The following DIP2C variants were observed in gnomAD, a reference collection of about 807,000 sequenced individuals.
The protein encoded by DIP2C is DIP2 acetate--CoA ligase C (putative), also known as disco-interacting protein 2 homolog C.
DIP2C carries 33 observed loss-of-function variants against 192.4 expected under a neutral mutation model. The ratio of observed to expected loss-of-function variants is 0.17; its 90% CI spans 0.13 to 0.23. The LOEUF (loss-of-function observed/expected upper bound fraction) is 0.23. Among genes scored for constraint, DIP2C ranks in the 10% least tolerant of loss-of-function variants. The pLI, the probability that DIP2C is intolerant of heterozygous loss-of-function variation, is 1.00. For missense variants in DIP2C, 1,537 were observed against 2,110.1 expected (o/e 0.73, Z 5.32); for synonymous variants, 979 against 864.1 (o/e 1.13, Z -2.33).
chr10:456,574 T>C (rs1212229072), intron 3 of DIP2C, among the ~76,000 whole-genome samples: 5 of 152,324 alleles, frequency 3.3e-5, no homozygotes, highest in African/African-American at 4.8e-5. Flanking sequence ...TCCTGGTTAG[T>C]GTGACCCAAG....
At chr10:417,978 ATAGG>A (rs1965863539) in intron 6 of DIP2C, among the ~76,000 whole-genome samples, 1 of 107,642 alleles carries the variant, frequency 9.3e-6, no homozygotes, top group Non-Finnish European at 1.9e-5. Context: ...CAGGGCTCGG[ATAGG>A]CCTCCCTGTC....
chr10:430,938 A>AT (rs1342200184), intron 4 of DIP2C, among the ~76,000 whole-genome samples: 2 of 152,196 alleles, frequency 1.3e-5, no homozygotes, highest in Non-Finnish European at 2.9e-5. Context: ...TTGCATATGG[A>AT]TGTCCAGTTG....
chr10:657,239 C>T lies in DIP2C; in HGVS notation c.85+32255G>A, dbSNP rs1186576412. ...ACCCTGGACCTGCCCCTGGACCTGC[C>T]GCTGGACCTGATGCTGGACCTGTCC... On this transcript the variant is annotated intron_variant, in intron 1 of 36. Coordinates refer to ENST00000280886, the MANE Select transcript of DIP2C (RefSeq NM_014974.3). 5.9e-5 allele frequency among the ~76,000 whole-genome samples: 5 copies of T among 84,772 alleles called. No individual in the cohort carries two copies. The Admixed American group carries it at 7.2e-4, about 12-fold the overall frequency. 55.6% of individuals were successfully genotyped at this position (84,772 alleles called of 152,430 possible).
Position 523,371 on chromosome 10 carries a change from GTGTCACCCACACACT to G in DIP2C, c.86-36856_86-36842del, listed in dbSNP as rs1564816960. Among the ~76,000 whole-genome samples the G allele has an allele frequency of 9.7e-4, 137 of 141,328 alleles. 1 individual carries two copies. The highest frequency in any genetic ancestry group is 1.1e-3 in the South Asian group (5 of 4,646). The allele number at this position is 141,328 out of a possible 152,430, so 92.7% of individuals were successfully genotyped here. A position where few individuals can be genotyped will look rare whatever the true frequency, so the allele number is the denominator to read the frequency against. On this transcript the variant is annotated intron_variant, in intron 1 of 36. Coordinates refer to ENST00000280886, the MANE Select transcript of DIP2C (RefSeq NM_014974.3). ...CCTGGAGTGACGATGCAGGGACTCT[GTGTCACCCACACACT>G]CGTTTCTACCGGATGCAAAGGACCC...
intron 25 of DIP2C, 128 bp downstream of exon 25, chr10:349,203 T>C: frequency 7.5e-7 from 1 of 1,340,752 alleles, no homozygotes; most frequent in Non-Finnish European, 1.0e-6. Flanking sequence ...AGCATCCAGC[T>C]GGATACAGTG....
At chr10:513,574 G>A (rs879196540) in intron 1 of DIP2C, among the ~76,000 whole-genome samples, 2 of 152,060 alleles carry the variant, frequency 1.3e-5, no homozygotes, top group African/African-American at 2.4e-5. Flanking sequence ...GGTCCACTGC[G>A]CCACACTGCA....
chr10:350,761 C>G (rs1958757360), intron 24 of DIP2C, among the ~76,000 whole-genome samples: 1 of 151,878 alleles, frequency 6.6e-6, no homozygotes, highest in African/African-American at 2.4e-5. Context: ...GTTCTCCTGC[C>G]TCAGCCTCCT....
intron 1 of DIP2C, among the ~76,000 whole-genome samples, chr10:573,903 G>A (rs747556340): frequency 6.6e-6 from 1 of 152,128 alleles, no homozygotes; most frequent in Non-Finnish European, 1.5e-5. Flanking sequence ...CTATAAAGTG[G>A]TACCATGGAC....
intron 3 of DIP2C, among the ~76,000 whole-genome samples, chr10:447,941 A>G (rs79780406): frequency 8.3e-6 from 1 of 120,516 alleles, no homozygotes; most frequent in Non-Finnish European, 1.6e-5. Context: ...AGGATCACAC[A>G]CAGTGGGGCA....
At chr10:438,257 A>G (rs890260441) in intron 4 of DIP2C, among the ~76,000 whole-genome samples, 1 of 152,246 alleles carries the variant, frequency 6.6e-6, no homozygotes, top group African/African-American at 2.4e-5. Context: ...ATAAGCAAGC[A>G]AATAACCACA....
intron 31 of DIP2C, among the ~76,000 whole-genome samples, chr10:318,072 G>C (rs12782916): frequency 6.6e-6 from 1 of 151,978 alleles, no homozygotes; most frequent in Non-Finnish European, 1.5e-5. Flanking sequence ...AGCAGCAGCT[G>C]CATCACGGTG....
At chr10:508,197 C>G (rs1222055925) in intron 1 of DIP2C, among the ~76,000 whole-genome samples, 1 of 152,174 alleles carries the variant, frequency 6.6e-6, no homozygotes, top group Non-Finnish European at 1.5e-5. Flanking sequence ...CACCCTCATT[C>G]CAGGCTGAAA....
chr10:326,096 G>T (rs1348880815), intron 31 of DIP2C, among the ~76,000 whole-genome samples: 1 of 152,280 alleles, frequency 6.6e-6, no homozygotes, highest in East Asian at 1.9e-4. Context: ...TGGGAGGGTT[G>T]CTTGAGCCTG....
intron 1 of DIP2C, among the ~76,000 whole-genome samples, chr10:557,591 T>C (rs1168347827): frequency 8.5e-5 from 12 of 140,814 alleles, no homozygotes; most frequent in Non-Finnish European, 1.8e-4. Flanking sequence ...AAGCTCACAA[T>C]ACCAAGTGAA....
rs112386010 is a variant in DIP2C at position 344,770 on chromosome 10, G to T, written c.3453+39C>A. 8.1e-3 allele frequency: 12,515 copies of T among 1,539,110 alleles called. 70 individuals are homozygous for T. The highest frequency in any genetic ancestry group is 0.01 in the Non-Finnish European group (11,433 of 1,133,920). ...CCTGCCACCTCCAGCACGCTCCGCA[G>T]TTGCCTCCATGGCCACCGCCCGCAG... On this transcript the variant is annotated intron_variant, in intron 28 of 36. Coordinates refer to ENST00000280886, the MANE Select transcript of DIP2C (RefSeq NM_014974.3).
intron 32 of DIP2C, among the ~76,000 whole-genome samples, chr10:297,979 A>G (rs940573210): frequency 6.6e-6 from 1 of 152,246 alleles, no homozygotes; most frequent in African/African-American, 2.4e-5. Context: ...AAAATTGAGC[A>G]GGATGGTAGA....
intron 3 of DIP2C, among the ~76,000 whole-genome samples, chr10:458,493 G>C (rs1336706526): frequency 1.3e-5 from 2 of 152,164 alleles, no homozygotes; most frequent in East Asian, 3.9e-4. Context: ...GCGCGTGACA[G>C]AGTGCTTGGA....
intron 3 of DIP2C, among the ~76,000 whole-genome samples, chr10:460,044 CAT>C (rs1969642140): frequency 6.6e-6 from 1 of 151,270 alleles, no homozygotes; most frequent in Non-Finnish European, 1.5e-5. Flanking sequence ...GCGTGCTGCA[CAT>C]GAGCTCTAGT....
At chr10:593,568 A>AGCAGAG (rs1482352927) in intron 1 of DIP2C, among the ~76,000 whole-genome samples, 2 of 132,702 alleles carry the variant, frequency 1.5e-5, no homozygotes, top group Non-Finnish European at 3.0e-5. Context: ...AACCCTCTCC[A>AGCAGAG]GCAGAGGCAG....
Sources: allele counts gnomAD v4.1 joint callset (sites outside exome capture counted in the v4.1 genomes callset), GRCh38; gene constraint gnomAD v4.1.1; transcripts MANE v1.5; gene names NCBI Gene and HGNC (gene_info 2026-07-23, HGNC 2026-07-21).